The following DESI1 variants were observed in gnomAD, a reference collection of about 807,000 sequenced individuals.
DESI1 encodes the protein PPPDE peptidase domain containing 2.
A neutral mutation model predicts 22.4 loss-of-function variants in DESI1; 17 were observed. That is an observed-to-expected ratio of 0.76 (90% confidence interval 0.52 to 1.14). The LOEUF is 1.14. Among genes scored for constraint, DESI1 ranks in the 50% most tolerant of loss-of-function variants. The probability of loss-of-function intolerance (pLI) is 0.00; values close to 1 mark genes in which losing one functional copy is unlikely to be tolerated. For missense variants in DESI1, 177 were observed against 208.9 expected, an observed-to-expected ratio of 0.85 and a Z score of 0.94; for synonymous variants, 92 against 84.2, an observed-to-expected ratio of 1.09 and a Z score of -0.51.
intron 5 of DESI1, chr22:41,602,622 T>A: frequency 1.0e-6 from 1 of 986,498 alleles, no homozygotes; most frequent in East Asian, 1.1e-4. Flanking sequence ...CTGAATGCAA[T>A]CAACGACAAG....
At chr22:41,618,584 T>G (rs950775079) in intron 1 of DESI1, among the ~76,000 whole-genome samples, 23 of 152,222 alleles carry the variant, frequency 1.5e-4, no homozygotes, top group Admixed American at 1.5e-3. Flanking sequence ...AATAAACATC[T>G]GCTGAATGAA....
At chr22:41,602,217 A>C in intron 5 of DESI1, 2 of 985,476 alleles carry the variant, frequency 2.0e-6, no homozygotes, top group Non-Finnish European at 2.4e-6. Context: ...AGTACTCCAA[A>C]GTATAGACAG....
At chr22:41,602,393 G>A in intron 5 of DESI1, 1 of 985,458 alleles carries the variant, frequency 1.0e-6, no homozygotes, top group Non-Finnish European at 1.2e-6. Flanking sequence ...TAGGAAGGCA[G>A]GGCCAGGGCT....
chr22:41,603,757 G>A (rs1171619815), intron 4 of DESI1, among the ~76,000 whole-genome samples: 1 of 152,144 alleles, frequency 6.6e-6, no homozygotes, highest in Non-Finnish European at 1.5e-5. Context: ...TGCAAACTTG[G>A]CCAATACAGG....
chr22:41,617,002 C>T (rs970349495), intron 1 of DESI1, among the ~76,000 whole-genome samples: 1 of 152,134 alleles, frequency 6.6e-6, no homozygotes, highest in African/African-American at 2.4e-5. Context: ...AAAATGGAGA[C>T]TAAGAGGCAT....
At chr22:41,613,604 C>T (rs541932045) in intron 1 of DESI1, among the ~76,000 whole-genome samples, 14 of 152,336 alleles carry the variant, frequency 9.2e-5, no homozygotes, top group Middle Eastern at 3.4e-3. Context: ...GTTTAGTTAG[C>T]TTTGTTGGTT....
In DESI1 at chr22:41,600,938, G is replaced by T; in HGVS notation, c.*159C>A. The stretch of plus-strand genomic sequence containing the variant: ...TTTTGTTCTGTTTCTTAGCAGCATT[G>T]TCTACATGCGGCCTGACGGTCTCCT... On this transcript the variant is annotated 3_prime_UTR_variant, in exon 6 of 6. Coordinates refer to ENST00000263256, the MANE Select transcript of DESI1 (RefSeq NM_015704.3). 1 of 657,220 alleles carries T rather than the reference G, an allele frequency of 1.5e-6. No individual in the cohort carries two copies. Among genetic ancestry groups the T allele is most frequent in the East Asian group, 2.8e-5 (1 of 36,296 alleles). 40.7% of individuals were successfully genotyped at this position (657,220 alleles called of 1,614,324 possible).
rs759018434 is a variant in DESI1 at position 41,603,038 on chromosome 22, T to C, written c.413+221A>G. 1.1e-5 allele frequency: 8 copies of C among 703,150 alleles called. No individual in the cohort carries two copies. The African/African-American group carries it at 1.4e-4, about 13-fold the overall frequency. 43.6% of individuals were successfully genotyped at this position (703,150 alleles called of 1,614,324 possible). ...CAAGTGGGTGTCTAAGTTCTGTGGT[T>C]GCACTTAGGCCAGGGCAGAGCTGGT... On this transcript the variant is annotated intron_variant, in intron 5 of 5. Coordinates refer to ENST00000263256, the MANE Select transcript of DESI1 (RefSeq NM_015704.3).
chr22:41,616,890 T>A (rs751442760), intron 1 of DESI1, among the ~76,000 whole-genome samples: 30 of 152,152 alleles, frequency 2.0e-4, no homozygotes, highest in Non-Finnish European at 2.6e-4. Context: ...TCTAGTCTAA[T>A]CCTGAACTGC....
chr22:41,620,696 C>A, intron 1 of DESI1, 56 bp downstream of exon 1: 2 of 1,535,224 alleles, frequency 1.3e-6, no homozygotes, highest in Admixed American at 2.0e-5. Context: ...CTCGGCCAGC[C>A]GCCACCCTCT....
intron 1 of DESI1, among the ~76,000 whole-genome samples, chr22:41,609,932 T>C (rs2067506609): frequency 6.8e-6 from 1 of 147,880 alleles, no homozygotes; most frequent in African/African-American, 2.5e-5. Context: ...AACACAAAAT[T>C]AGCCGGGCAT....
chr22:41,604,489 C>T (rs970955126), intron 3 of DESI1, among the ~76,000 whole-genome samples: 6 of 152,076 alleles, frequency 3.9e-5, no homozygotes, highest in African/African-American at 1.4e-4. Context: ...TTAAGTGATC[C>T]ACCCACCTCG....
chr22:41,613,283 A>T (rs921026790), intron 1 of DESI1, among the ~76,000 whole-genome samples: 5 of 152,190 alleles, frequency 3.3e-5, no homozygotes, highest in African/African-American at 1.2e-4. Context: ...AAAGCATAAT[A>T]ACACTGCCTG....
intron 1 of DESI1, among the ~76,000 whole-genome samples, chr22:41,616,045 C>A (rs2067548758): frequency 6.6e-6 from 1 of 152,082 alleles, no homozygotes; most frequent in South Asian, 2.1e-4. Context: ...GAGTTTGAGA[C>A]CAGCCTGACC....
At chr22:41,616,649 CT>C (rs777171835) in intron 1 of DESI1, among the ~76,000 whole-genome samples, 1 of 151,910 alleles carries the variant, frequency 6.6e-6, no homozygotes, top group Non-Finnish European at 1.5e-5. Flanking sequence ...CTGAAGGACA[CT>C]TATAATAGCT....
chr22:41,603,034 T>C (rs2067458190), intron 5 of DESI1: 7 of 689,406 alleles, frequency 1.0e-5, no homozygotes, highest in Non-Finnish European at 1.6e-5. Flanking sequence ...CTAAGTTCTG[T>C]GGTTGCACTT....
intron 1 of DESI1, among the ~76,000 whole-genome samples, chr22:41,610,907 G>A (rs1255239184): frequency 1.3e-5 from 2 of 151,956 alleles, no homozygotes; most frequent in Non-Finnish European, 2.9e-5. Context: ...TGGATAGAGG[G>A]ATCCTAGCCA....
At chr22:41,607,404 T>A in intron 2 of DESI1, 73 bp from the exon 3 acceptor site, 1 of 1,429,416 alleles carries the variant, frequency 7.0e-7, no homozygotes, top group East Asian at 2.5e-5. Flanking sequence ...CATAATGCAA[T>A]GAGAGTAATT....
rs564608451 is a variant in DESI1, at chr22:41,609,682, C to A, written c.89-1821G>T. Among the ~76,000 whole-genome samples, 4 of 152,108 alleles carry A rather than the reference C, an allele frequency of 2.6e-5. No homozygotes were observed. The South Asian group carries it at 8.3e-4, about 32-fold the overall frequency. ...GTGTGGTGGCATGCACCTGTAGTCCCAGCTACTCAGGAGGCTGAGGCACGA... is the reference window on the plus strand; with the variant it reads ...GTGTGGTGGCATGCACCTGTAGTCCAAGCTACTCAGGAGGCTGAGGCACGA... On this transcript the variant is annotated intron_variant, in intron 1 of 5. Transcript: ENST00000263256.
Sources: gnomAD v4.1 joint callset for allele counts (sites outside exome capture counted in the v4.1 genomes callset) on GRCh38, gnomAD v4.1.1 for gene constraint, MANE v1.5 for transcripts, NCBI Gene and HGNC (gene_info 2026-07-23, HGNC 2026-07-21) for gene names.